KIF26B: variants seen among roughly 807,000 people sequenced by gnomAD.
KIF26B encodes kinesin family member 26B, also known as kinesin-like protein KIF26B.
KIF26B carries 63 observed loss-of-function variants against 151.2 expected under a neutral mutation model. The observed-to-expected ratio is 0.42, with a 90% CI of 0.34 to 0.51. The LOEUF is 0.51. Among genes scored for constraint, KIF26B ranks in the 20% least tolerant of loss-of-function variants. The pLI is 0.07. For synonymous variants in KIF26B, 1,357 were observed against 1,262.1 expected (o/e 1.08, Z -1.59); for missense variants, 2,813 against 2,913.6 (o/e 0.97, Z 0.79).
chr1:245,464,771 T>C (rs920087965), intron 4 of KIF26B, among the ~76,000 whole-genome samples: 8 of 151,988 alleles, frequency 5.3e-5, no homozygotes, highest in Non-Finnish European at 8.8e-5. Context: ...AGACAGACAG[T>C]TGAAGTTGTG....
At chr1:245,179,561 G>A (rs911030753) in intron 2 of KIF26B, among the ~76,000 whole-genome samples, 1 of 152,136 alleles carries the variant, frequency 6.6e-6, no homozygotes, top group Non-Finnish European at 1.5e-5. Flanking sequence ...GGAGGTGGAG[G>A]TTGCAGTGAG....
At position 245,442,403 on chromosome 1, in the gene KIF26B, T is replaced by G. The variant is rs191683110; in HGVS notation, c.1166+22658T>G. On this transcript the variant is annotated intron_variant, in intron 4 of 14. Coordinates refer to ENST00000407071, the MANE Select transcript of KIF26B (RefSeq NM_018012.4). ...ATGATGGGGGTCCTAGGTGACTTAC[T>G]GTTTTAGGTCGGGGTCCCCAGAAGC... is the stretch of plus-strand genomic sequence containing the variant. 1.4e-3 allele frequency among the ~76,000 whole-genome samples: 220 copies of G among 152,284 alleles called. 2 individuals carry two copies. The highest frequency in any genetic ancestry group is 5.1e-3 in the African/African-American group (211 of 41,556).
chr1:245,517,714 A>G (rs1456944703), intron 4 of KIF26B, among the ~76,000 whole-genome samples: 2 of 152,130 alleles, frequency 1.3e-5, no homozygotes, highest in Admixed American at 1.3e-4. Context: ...CATATGGAAG[A>G]GATGAATAAT....
At chr1:245,172,822 C>T (rs1479736926) in intron 2 of KIF26B, among the ~76,000 whole-genome samples, 1 of 152,028 alleles carries the variant, frequency 6.6e-6, no homozygotes, top group Non-Finnish European at 1.5e-5. Flanking sequence ...AAAACAAAAA[C>T]AAAAACAAAA....
intron 3 of KIF26B, among the ~76,000 whole-genome samples, chr1:245,405,842 A>G (rs571778961): frequency 3.7e-4 from 56 of 152,266 alleles, no homozygotes; most frequent in Admixed American, 9.8e-4. Flanking sequence ...GCAGTTGGCA[A>G]ACAGAATACA....
intron 2 of KIF26B, among the ~76,000 whole-genome samples, chr1:245,325,131 G>T (rs1030661048): frequency 2.7e-5 from 4 of 148,152 alleles, no homozygotes; most frequent in East Asian, 2.0e-4. Flanking sequence ...AAAAAAGAAA[G>T]AAAATGATAT....
intron 4 of KIF26B, among the ~76,000 whole-genome samples, chr1:245,463,083 G>A (rs1659687495): frequency 6.6e-6 from 1 of 152,152 alleles, no homozygotes; most frequent in Admixed American, 6.5e-5. Flanking sequence ...TTTCTCAACG[G>A]TGTCCTTCTC....
In KIF26B at chr1:245,525,374, G is replaced by A. The variant is rs559319521; in HGVS notation, c.1167-15393G>A. Among the ~76,000 whole-genome samples, 11 of 152,260 alleles carry A rather than the reference G, an allele frequency of 7.2e-5. No homozygotes were observed. The South Asian group carries it at 8.3e-4, about 11-fold the overall frequency. ...TGTGTTTTTAAATACAGCATTGAAC[G>A]ACTCAGTGTTTGTTGTTATTAGTGA... On this transcript the variant is annotated intron_variant, in intron 4 of 14. Coordinates refer to ENST00000407071, the MANE Select transcript of KIF26B (RefSeq NM_018012.4).
At chr1:245,222,087 G>A (rs529610400) in intron 2 of KIF26B, among the ~76,000 whole-genome samples, 4 of 152,294 alleles carry the variant, frequency 2.6e-5, no homozygotes, top group Admixed American at 6.5e-5. Context: ...GAAAAGGCAC[G>A]TTGTCATGGT....
chr1:245,573,266 G>A (rs1298434469), intron 5 of KIF26B, among the ~76,000 whole-genome samples: 1 of 152,230 alleles, frequency 6.6e-6, no homozygotes, highest in South Asian at 2.1e-4. Flanking sequence ...GCTCACGCCT[G>A]TAATCCCAGC....
At chr1:245,361,585 G>C (rs1466872500) in intron 2 of KIF26B, among the ~76,000 whole-genome samples, 1 of 152,130 alleles carries the variant, frequency 6.6e-6, no homozygotes, top group African/African-American at 2.4e-5. Context: ...TCAGACTCCG[G>C]GTAGGACAGA....
At chr1:245,473,092 GAAC>G (rs548086713) in intron 4 of KIF26B, among the ~76,000 whole-genome samples, 54 of 152,326 alleles carry the variant, frequency 3.5e-4, no homozygotes, top group Middle Eastern at 3.4e-3. Flanking sequence ...AACAATAAGA[GAAC>G]ACTGGCAAAT....
chr1:245,349,557 T>G (rs999462144), intron 2 of KIF26B, among the ~76,000 whole-genome samples: 6 of 118,588 alleles, frequency 5.1e-5, no homozygotes, highest in African/African-American at 2.5e-4. Context: ...AGAAATAAAC[T>G]TCAAAAAAAA....
At chr1:245,610,810 C>T (rs1162984004) in intron 8 of KIF26B, among the ~76,000 whole-genome samples, 3 of 152,164 alleles carry the variant, frequency 2.0e-5, no homozygotes, top group African/African-American at 7.2e-5. Flanking sequence ...ATTTTGAACA[C>T]AAAAGAATCT....
chr1:245,324,121 A>G (rs12741240), intron 2 of KIF26B, among the ~76,000 whole-genome samples: 32 of 55,794 alleles, frequency 5.7e-4, no homozygotes, highest in African/African-American at 7.2e-4. Context: ...GTTGGTGTGG[A>G]CTCTGCCAGG....
chr1:245,589,177 G>A (rs758677624), intron 5 of KIF26B, among the ~76,000 whole-genome samples: 3 of 152,110 alleles, frequency 2.0e-5, no homozygotes, highest in Non-Finnish European at 2.9e-5. Flanking sequence ...CCTTACTAGG[G>A]CAATTCCCTT....
intron 6 of KIF26B, among the ~76,000 whole-genome samples, chr1:245,604,331 G>A (rs2043427262): frequency 6.6e-6 from 1 of 152,180 alleles, no homozygotes; most frequent in Non-Finnish European, 1.5e-5. Flanking sequence ...AGGTGGCGAT[G>A]TTCTCACGGG....
intron 4 of KIF26B, among the ~76,000 whole-genome samples, chr1:245,432,918 A>G (rs1270105577): frequency 6.6e-6 from 1 of 152,222 alleles, no homozygotes; most frequent in East Asian, 1.9e-4. Flanking sequence ...CCTCCTTTTT[A>G]TACTGAGAGA....
rs568670965 is a variant in KIF26B at position 245,187,005 on chromosome 1, C to T, written c.465+30322C>T. On this transcript the variant is annotated intron_variant, in intron 2 of 14. Transcript: ENST00000407071. The stretch of plus-strand genomic sequence containing the variant: ...CAGAGTAGCTGGGACTACAGGCGCG[C>T]ACCACCACGCTCAGCTAATTTTTGT... Among the ~76,000 whole-genome samples the T allele has an allele frequency of 4.6e-5, 7 of 152,002 alleles. No homozygotes were observed. The East Asian group carries it at 5.8e-4, about 13-fold the overall frequency.
Sources: allele counts gnomAD v4.1 joint callset (sites outside exome capture counted in the v4.1 genomes callset), GRCh38; gene constraint gnomAD v4.1.1; transcripts MANE v1.5; gene names NCBI Gene and HGNC (gene_info 2026-07-23, HGNC 2026-07-21).